MEGF10: variants seen among roughly 807,000 people sequenced by gnomAD.
The protein encoded by MEGF10 is multiple EGF like domains 10.
MEGF10 carries 86 observed loss-of-function variants against 147.5 expected under a neutral mutation model. That is an observed-to-expected ratio of 0.58 (90% CI 0.49 to 0.70). MEGF10 has a LOEUF of 0.70. Among genes scored for constraint, MEGF10 ranks in the 30% least tolerant of loss-of-function variants. The pLI, the probability that MEGF10 is intolerant of heterozygous loss-of-function variation, is 0.00. For missense variants in MEGF10, 1,329 were observed against 1,487.3 expected, an observed-to-expected ratio of 0.89 and a Z score of 1.75; for synonymous variants, 478 against 525.5, an observed-to-expected ratio of 0.91 and a Z score of 1.24.
intron 1 of MEGF10, among the ~76,000 whole-genome samples, chr5:127,324,609 A>G (rs31472): frequency 0.56 from 84,308 of 151,800 alleles, 23,696 homozygotes; most frequent in Middle Eastern, 0.74. Flanking sequence ...TAACCTCCAC[A>G]CTCTGTCTTT....
intron 4 of MEGF10, among the ~76,000 whole-genome samples, chr5:127,363,392 A>G (rs918481291): frequency 6.6e-6 from 1 of 152,162 alleles, no homozygotes; most frequent in Admixed American, 6.5e-5. Context: ...TTCAGAGTGA[A>G]GGGTTCCATG....
At chr5:127,423,162 A>AATATGC (rs1421047696) in intron 13 of MEGF10, among the ~76,000 whole-genome samples, 1 of 152,262 alleles carries the variant, frequency 6.6e-6, no homozygotes, top group Non-Finnish European at 1.5e-5. Context: ...TAATATGGTG[A>AATATGC]ATATGCATAT....
intron 4 of MEGF10, among the ~76,000 whole-genome samples, chr5:127,348,813 G>T (rs1274853672): frequency 2.0e-5 from 3 of 152,094 alleles, no homozygotes; most frequent in African/African-American, 4.8e-5. Context: ...ACATTTAATA[G>T]ATTTGATTTT....
intron 4 of MEGF10, among the ~76,000 whole-genome samples, chr5:127,359,771 C>T (rs1288072145): frequency 6.6e-6 from 1 of 152,066 alleles, no homozygotes; most frequent in Non-Finnish European, 1.5e-5. Context: ...TTTATACTTT[C>T]ATGTACTTAG....
chr5:127,442,019 A>C (rs1327892414), intron 18 of MEGF10, among the ~76,000 whole-genome samples: 2 of 152,260 alleles, frequency 1.3e-5, no homozygotes, highest in African/African-American at 4.8e-5. Context: ...TGAGTGACAC[A>C]GTTGCATACA....
At chr5:127,319,057 C>T (rs1183433681) in intron 1 of MEGF10, among the ~76,000 whole-genome samples, 1 of 148,134 alleles carries the variant, frequency 6.8e-6, no homozygotes, top group Non-Finnish European at 1.5e-5. Flanking sequence ...TCCTCCCTCC[C>T]TCCCTTCCTC....
In MEGF10 at chr5:127,419,139, C is replaced by T; in HGVS notation, c.1325C>T (p.Pro442Leu). Residue 442 changes from proline (P) to leucine (L), a missense_variant, in exon 11 of 25, where the codon CCA (proline) becomes CTA (leucine). By Grantham distance (98) the Pro-to-Leu change is moderately conservative. Around this residue, in one of 3 missense-constraint regions of MEGF10, gnomAD observed 980 missense variants for 1,085.9 expected, o/e 0.90. Transcript: ENST00000503335. Reference protein sequence around the residue: ...PGFKGIDCSTPCPLGTYGINC... With the variant: ...PGFKGIDCSTLCPLGTYGINC... ...GTCTAGGGAATTGACTGCTCTACCC[C>T]ATGCCCTCTGGGAACCTATGGGATA... The T allele has an allele frequency of 6.2e-7, 1 of 1,613,968 alleles. No individual in the cohort carries two copies. The highest frequency in any genetic ancestry group is 8.5e-7 in the Non-Finnish European group (1 of 1,179,960).
intron 13 of MEGF10, among the ~76,000 whole-genome samples, chr5:127,426,708 G>T (rs532747358): frequency 5.7e-4 from 87 of 152,284 alleles, no homozygotes; most frequent in Middle Eastern, 3.4e-3. Context: ...CAGAGTAGTG[G>T]AGTGATATAC....
intron 4 of MEGF10, among the ~76,000 whole-genome samples, chr5:127,367,675 G>A (rs940769626): frequency 1.6e-4 from 25 of 152,136 alleles, no homozygotes; most frequent in African/African-American, 5.6e-4. Flanking sequence ...AAGGCAAAGA[G>A]TATCTAATTT....
At chr5:127,447,478 GTT>G in intron 20 of MEGF10, 77 bp from the exon 21 acceptor site, 1 of 1,595,336 alleles carries the variant, frequency 6.3e-7, no homozygotes, top group Non-Finnish European at 8.6e-7. Flanking sequence ...CGCTGGGCCT[GTT>G]TTGTTATTTT....
intron 4 of MEGF10, among the ~76,000 whole-genome samples, chr5:127,354,204 G>A (rs973402272): frequency 3.9e-5 from 6 of 152,146 alleles, no homozygotes; most frequent in African/African-American, 1.2e-4. Flanking sequence ...TGAATGTCAT[G>A]CTTCAGAAAA....
chr5:127,391,514 G>C (rs1763691909), intron 5 of MEGF10, among the ~76,000 whole-genome samples: 3 of 150,812 alleles, frequency 2.0e-5, no homozygotes, highest in African/African-American at 7.3e-5. Context: ...AGGCTGCAGA[G>C]AGTCAAGATC....
chr5:127,413,383 C>T (rs1764644804), intron 9 of MEGF10, among the ~76,000 whole-genome samples: 1 of 152,124 alleles, frequency 6.6e-6, no homozygotes, highest in Non-Finnish European at 1.5e-5. Flanking sequence ...TAGCCATGGA[C>T]AATCCGGATG....
intron 1 of MEGF10, among the ~76,000 whole-genome samples, chr5:127,303,206 T>C (rs951597309): frequency 1.3e-5 from 2 of 151,844 alleles, no homozygotes; most frequent in Non-Finnish European, 2.9e-5. Flanking sequence ...CATGGTGATG[T>C]GCGCCTATAA....
chr5:127,367,733 G>A (rs1249084663), intron 4 of MEGF10, among the ~76,000 whole-genome samples: 2 of 152,188 alleles, frequency 1.3e-5, no homozygotes, highest in Non-Finnish European at 2.9e-5. Flanking sequence ...GCTTTACTAT[G>A]TTGAAGAAGG....
chr5:127,245,023 A>G, the MEGF10 span, among the ~76,000 whole-genome samples: 1 of 152,194 alleles, frequency 6.6e-6, no homozygotes, highest in Non-Finnish European at 1.5e-5. Context: ...TAAAATGGCC[A>G]TGCTGCCCAA....
chr5:127,364,529 A>C (rs1359969743), intron 4 of MEGF10, among the ~76,000 whole-genome samples: 5 of 152,210 alleles, frequency 3.3e-5, no homozygotes, highest in Admixed American at 3.3e-4. Context: ...TACCTAGTGC[A>C]TCAGTACATA....
intron 5 of MEGF10, among the ~76,000 whole-genome samples, chr5:127,388,846 A>G (rs1312333146): frequency 6.6e-6 from 1 of 152,098 alleles, no homozygotes; most frequent in African/African-American, 2.4e-5. Flanking sequence ...CCCCTGGCCA[A>G]TTTTATTTTT....
rs749824298 is a variant in MEGF10, at chr5:127,460,501, A to T, written c.*3183A>T. 5.3e-5 allele frequency: 8 copies of T among 152,232 alleles called. No homozygotes were observed. Among genetic ancestry groups the T allele is most frequent in the Non-Finnish European group, 8.8e-5 (6 of 68,044 alleles). 9.4% of individuals were successfully genotyped at this position (152,232 alleles called of 1,614,324 possible). A position where few individuals can be genotyped will look rare whatever the true frequency, so the allele number is the denominator to read the frequency against. On this transcript the variant is annotated 3_prime_UTR_variant, in exon 25 of 25. Transcript: ENST00000503335. ...CATAGAACTTTATAATAGGACAGTT[A>T]TAACCTGACTGAACCAAATCCATCA...
Sources: allele counts gnomAD v4.1 joint callset (sites outside exome capture counted in the v4.1 genomes callset), GRCh38; gene constraint gnomAD v4.1.1; regional missense constraint gnomAD v4.1.1; transcripts MANE v1.5; gene names NCBI Gene and HGNC (gene_info 2026-07-23, HGNC 2026-07-21).